RNF38: variants seen among roughly 807,000 people sequenced by gnomAD.
RNF38 encodes the protein E3 ubiquitin-protein ligase RNF38.
RNF38 carries 15 observed loss-of-function variants against 67.2 expected under a neutral mutation model. The ratio of observed to expected loss-of-function variants is 0.22; its 90% confidence interval spans 0.15 to 0.34. The LOEUF is 0.34. Among genes scored for constraint, RNF38 ranks in the 10% least tolerant of loss-of-function variants. The pLI is 1.00. For synonymous variants in RNF38, 220 were observed against 218.8 expected (o/e 1.01, Z -0.05); for missense variants, 524 against 639.9 (o/e 0.82, Z 1.95).
At chr9:36,442,038 T>C (rs982784138) in intron 1 of RNF38, among the ~76,000 whole-genome samples, 6 of 152,120 alleles carry the variant, frequency 3.9e-5, no homozygotes, top group African/African-American at 9.7e-5. Context: ...TTCCCCTACA[T>C]AGGAACCATC....
chr9:36,440,805 G>A (rs1839174877), intron 1 of RNF38, among the ~76,000 whole-genome samples: 1 of 152,082 alleles, frequency 6.6e-6, no homozygotes, highest in South Asian at 2.1e-4. Context: ...ATAACAAAAG[G>A]AAAAAACCAC....
chr9:36,400,053 T>A, intron 1 of RNF38, 44 bp downstream of exon 1: 2 of 1,579,986 alleles, frequency 1.3e-6, no homozygotes, highest in Non-Finnish European at 1.7e-6. Flanking sequence ...TTTTACTGAA[T>A]AATAGCATAT....
At position 36,337,262 on chromosome 9, in the gene RNF38, CAAT is replaced by C. The variant is rs1177212200; in HGVS notation, c.*2487_*2489del. On this transcript the variant is annotated 3_prime_UTR_variant, in exon 12 of 12. Coordinates refer to ENST00000259605, the MANE Select transcript of RNF38 (RefSeq NM_022781.5). ...GTGTGTTCCTGATACACACTAACCACAATAAGCAAGTCTGCACACATCTCTATG... is the reference window on the plus strand; with the variant it reads ...GTGTGTTCCTGATACACACTAACCACAAGCAAGTCTGCACACATCTCTATG... The C allele has an allele frequency of 6.6e-6, 1 of 152,296 alleles. No homozygotes were observed. Among genetic ancestry groups the C allele is most frequent in the Non-Finnish European group, 1.5e-5 (1 of 68,028 alleles). The allele number at this position is 152,296 out of a possible 1,614,324, so 9.4% of individuals were successfully genotyped here.
chr9:36,462,863 C>T (rs1197027550), intron 1 of RNF38, among the ~76,000 whole-genome samples: 4 of 152,088 alleles, frequency 2.6e-5, no homozygotes, highest in South Asian at 2.1e-4. Context: ...TTAGTAGACA[C>T]GGAGTTTCAC....
chr9:36,456,101 G>A (rs980137858), intron 1 of RNF38, among the ~76,000 whole-genome samples: 1 of 151,722 alleles, frequency 6.6e-6, no homozygotes, highest in Non-Finnish European at 1.5e-5. Flanking sequence ...ACAGAGTCTC[G>A]TCTGCCATCC....
intron 1 of RNF38, among the ~76,000 whole-genome samples, chr9:36,429,769 G>C (rs1838880873): frequency 6.6e-6 from 1 of 152,096 alleles, no homozygotes; most frequent in Non-Finnish European, 1.5e-5. Flanking sequence ...ACTCCAGCCT[G>C]GGCAACAGAG....
chr9:36,372,098 T>C (rs1835423967), intron 3 of RNF38, among the ~76,000 whole-genome samples: 2 of 151,960 alleles, frequency 1.3e-5, no homozygotes, highest in South Asian at 4.2e-4. Flanking sequence ...GCCTGGCTGA[T>C]TTTTGTATTT....
intron 1 of RNF38, 121 bp downstream of exon 1, chr9:36,399,976 A>G (rs1338705510): frequency 1.2e-6 from 1 of 868,450 alleles, no homozygotes; most frequent in African/African-American, 1.7e-5. Flanking sequence ...AGAAATGGCA[A>G]TTCATATAAT....
Position 36,381,740 on chromosome 9 carries a change from G to C in RNF38, c.163-5613C>G, listed in dbSNP as rs189454685. ...AAGATATTCTGTGTCTTTTCGGTTT[G>C]AAACAATGTATACTTTCCATGTATT... On this transcript the variant is annotated intron_variant, in intron 2 of 11. Coordinates refer to ENST00000259605, the MANE Select transcript of RNF38 (RefSeq NM_022781.5). Among the ~76,000 whole-genome samples, 20 of 152,292 alleles carry C rather than the reference G, an allele frequency of 1.3e-4. No individual in the cohort carries two copies. In the East Asian group the frequency reaches 3.7e-3, roughly 28 times the overall value.
intron 1 of RNF38, among the ~76,000 whole-genome samples, chr9:36,461,018 G>GCC (rs1303445550): frequency 1.3e-5 from 2 of 152,076 alleles, no homozygotes; most frequent in African/African-American, 4.8e-5. Context: ...TTCAAGACCA[G>GCC]CCTGGCCAAC....
chr9:36,394,739 C>A (rs1266467922), intron 1 of RNF38, among the ~76,000 whole-genome samples: 1 of 152,126 alleles, frequency 6.6e-6, no homozygotes, highest in Non-Finnish European at 1.5e-5. Context: ...CATACTCAAC[C>A]CACAAAACCA....
At chr9:36,350,590 A>C (rs1376386825) in intron 9 of RNF38, among the ~76,000 whole-genome samples, 1 of 152,258 alleles carries the variant, frequency 6.6e-6, no homozygotes, top group African/African-American at 2.4e-5. Flanking sequence ...TTTAAGATCT[A>C]GCTCAAACAT....
intron 1 of RNF38, 39 bp from the exon 2 acceptor site, chr9:36,390,655 C>CTATCA: frequency 5.0e-6 from 8 of 1,604,888 alleles, no homozygotes; most frequent in Non-Finnish European, 6.8e-6. Context: ...TCATGGCTAG[C>CTATCA]TGCACCAATG....
At chr9:36,447,155 T>C (rs1353193139) in intron 1 of RNF38, among the ~76,000 whole-genome samples, 1 of 151,782 alleles carries the variant, frequency 6.6e-6, no homozygotes, top group Non-Finnish European at 1.5e-5. Context: ...TAAATCTGAT[T>C]AAGTGCTTGT....
At position 36,423,675 on chromosome 9, in the gene RNF38, C is replaced by T. The variant is rs1383109549; in HGVS notation, n.312+938G>A. Among the ~76,000 whole-genome samples, 4 of 25,346 alleles carry T rather than the reference C, an allele frequency of 1.6e-4. 2 individuals carry two copies. Among genetic ancestry groups the T allele is most frequent in the Non-Finnish European group, 4.7e-4 (4 of 8,468 alleles). 16.6% of individuals were successfully genotyped at this position (25,346 alleles called of 152,430 possible). On this transcript the variant is annotated intron_variant and non_coding_transcript_variant, in intron 2 of 3. Coordinates refer to the RNF38 transcript ENST00000488058. ...TGAGTATTGAAAAGCCCCGGCCGGG[C>T]GCGGTGGCTCACGCCTGTAATCCCA...
chr9:36,482,833 T>A (rs1840308031), intron 1 of RNF38, among the ~76,000 whole-genome samples: 1 of 152,150 alleles, frequency 6.6e-6, no homozygotes, highest in African/African-American at 2.4e-5. Flanking sequence ...CCAGACCTCA[T>A]GGTAAAGCCC....
At chr9:36,343,779 G>T (rs1833017878) in intron 10 of RNF38, among the ~76,000 whole-genome samples, 1 of 152,140 alleles carries the variant, frequency 6.6e-6, no homozygotes, top group South Asian at 2.1e-4. Context: ...TATGCTAAGT[G>T]AAAGATGCTA....
upstream of RNF38, chr9:36,400,380 C>T (rs1487993347): frequency 6.0e-6 from 7 of 1,168,610 alleles, no homozygotes; most frequent in South Asian, 6.5e-5. Context: ...TGCCGGGCAG[C>T]GGGCCGGCGG....
chr9:36,359,028 G>C (rs1427162424), intron 4 of RNF38, among the ~76,000 whole-genome samples: 1 of 152,040 alleles, frequency 6.6e-6, no homozygotes, highest in African/African-American at 2.4e-5. Flanking sequence ...CTGTCTTATG[G>C]GGCTGAAGGA....
Sources: allele counts gnomAD v4.1 joint callset (sites outside exome capture counted in the v4.1 genomes callset), GRCh38; gene constraint gnomAD v4.1.1; transcripts MANE v1.5; gene names NCBI Gene and HGNC (gene_info 2026-07-23, HGNC 2026-07-21).